Variants in STAG1 observed in about 807,000 individuals in gnomAD.
STAG1 encodes STAG1 cohesin complex component.
STAG1 carries 26 observed loss-of-function variants against 170.9 expected under a neutral mutation model. The observed-to-expected ratio is 0.15, with a 90% CI of 0.11 to 0.21. The LOEUF (loss-of-function observed/expected upper bound fraction) is 0.21. Ranked by LOEUF, STAG1 falls within the 10% of genes least tolerant of loss-of-function variation. STAG1 has a pLI of 1.00. For synonymous variants in STAG1, 514 were observed against 497.7 expected, an observed-to-expected ratio of 1.03 and a Z score of -0.44; for missense variants, 964 against 1,509.5, an observed-to-expected ratio of 0.64 and a Z score of 5.99.
Position 136,377,844 on chromosome 3 carries a change from T to G in STAG1, c.2278-92A>C, listed in dbSNP as rs1020414553. On this transcript the variant is annotated intron_variant, in intron 22 of 33. Coordinates refer to ENST00000383202, the MANE Select transcript of STAG1 (RefSeq NM_005862.3). The stretch of plus-strand genomic sequence containing the variant: ...AGTAAGTGGAAAATAGCAAAACTGG[T>G]TTATTCTCAAGGAAATTCATATAAC... 8 of 1,042,372 alleles carry G rather than the reference T, an allele frequency of 7.7e-6. No homozygotes were observed. In the African/African-American group the frequency reaches 9.5e-5, roughly 12 times the overall value. The allele number at this position is 1,042,372 out of a possible 1,614,324, so 64.6% of individuals were successfully genotyped here.
At chr3:136,433,533 G>C (rs943432071) in intron 16 of STAG1, 23 bp downstream of exon 16, 2 of 1,557,446 alleles carry the variant, frequency 1.3e-6, no homozygotes, top group Non-Finnish European at 1.8e-6. Flanking sequence ...CCTTTTAGGA[G>C]ATTTCTCACT....
chr3:136,430,152 A>C (rs1392276697), intron 16 of STAG1: 1 of 152,184 alleles, frequency 6.6e-6, no homozygotes, highest in African/African-American at 2.4e-5. Context: ...ATATTGATCC[A>C]AATTCAGTAT....
chr3:136,474,016 T>C (rs1332090915), intron 10 of STAG1, among the ~76,000 whole-genome samples: 6 of 152,190 alleles, frequency 3.9e-5, no homozygotes, highest in Admixed American at 2.6e-4. Context: ...CTGATTTTTA[T>C]ACAAAATGGT....
At chr3:136,562,033 AGTGT>A (rs1316126061) in intron 5 of STAG1, among the ~76,000 whole-genome samples, 2 of 152,140 alleles carry the variant, frequency 1.3e-5, no homozygotes, top group African/African-American at 2.4e-5. Context: ...TTAATATTTC[AGTGT>A]GTATTTCCCC....
intron 23 of STAG1, among the ~76,000 whole-genome samples, chr3:136,372,041 G>A (rs1430863230): frequency 7.2e-5 from 11 of 152,142 alleles, no homozygotes; most frequent in African/African-American, 2.7e-4. Flanking sequence ...TTGAGCAGTG[G>A]TTTGTAGTTC....
intron 4 of STAG1, among the ~76,000 whole-genome samples, chr3:136,582,977 T>C (rs1046633500): frequency 2.0e-5 from 3 of 152,308 alleles, no homozygotes; most frequent in East Asian, 1.9e-4. Flanking sequence ...TCTTTGTGCA[T>C]AGACTAGTGT....
intron 1 of STAG1, among the ~76,000 whole-genome samples, chr3:136,725,610 T>C (rs1933619875): frequency 6.6e-6 from 1 of 152,206 alleles, no homozygotes; most frequent in African/African-American, 2.4e-5. Context: ...TGAAGCTGTA[T>C]TATGTTTTGT....
chr3:136,729,709 A>G (rs1312197265), intron 1 of STAG1, among the ~76,000 whole-genome samples: 21 of 149,552 alleles, frequency 1.4e-4, no homozygotes, highest in Admixed American at 1.4e-3. Flanking sequence ...AGTAGCTGGG[A>G]TTACAGGCAT....
intron 1 of STAG1, among the ~76,000 whole-genome samples, chr3:136,709,478 T>C (rs1349709390): frequency 6.6e-6 from 1 of 152,060 alleles, no homozygotes; most frequent in African/African-American, 2.4e-5. Flanking sequence ...CTCACTCCTA[T>C]AATCACAGCA....
At chr3:136,530,153 T>C (rs1935299340) in intron 6 of STAG1, among the ~76,000 whole-genome samples, 1 of 152,146 alleles carries the variant, frequency 6.6e-6, no homozygotes, top group Non-Finnish European at 1.5e-5. Flanking sequence ...CATTATATAA[T>C]GATAAAGAGA....
intron 21 of STAG1, among the ~76,000 whole-genome samples, chr3:136,407,576 C>T (rs1354664667): frequency 6.6e-6 from 1 of 151,998 alleles, no homozygotes; most frequent in Non-Finnish European, 1.5e-5. Flanking sequence ...ATTCTCATGC[C>T]TCAGCCTCTC....
At chr3:136,497,914 C>T (rs1239116420) in intron 9 of STAG1, among the ~76,000 whole-genome samples, 1 of 147,960 alleles carries the variant, frequency 6.8e-6, no homozygotes, top group Non-Finnish European at 1.5e-5. Context: ...ACAGCTAGGC[C>T]GGGCCTGGTG....
At chr3:136,728,722 A>G (rs1214280446) in intron 1 of STAG1, among the ~76,000 whole-genome samples, 3 of 152,204 alleles carry the variant, frequency 2.0e-5, no homozygotes, top group African/African-American at 7.2e-5. Flanking sequence ...TAGCACAAAC[A>G]AAAAAATTTC....
intron 1 of STAG1, among the ~76,000 whole-genome samples, chr3:136,700,280 TAAGA>T (rs1224717522): frequency 6.6e-6 from 1 of 150,522 alleles, no homozygotes; most frequent in African/African-American, 2.5e-5. Flanking sequence ...AATAAAGAAC[TAAGA>T]AAGACTTGAA....
chr3:136,497,297 C>T (rs1283441008), intron 9 of STAG1, among the ~76,000 whole-genome samples: 13 of 152,014 alleles, frequency 8.6e-5, no homozygotes, highest in Admixed American at 8.5e-4. Context: ...AAAGTTAGAG[C>T]TATTTATCCC....
chr3:136,398,407 C>A lies in STAG1; in HGVS notation c.2277+342G>T, dbSNP rs746136387. 2.6e-5 allele frequency among the ~76,000 whole-genome samples: 4 copies of A among 152,114 alleles called. No homozygotes were observed. The East Asian group carries it at 7.7e-4, about 29-fold the overall frequency. On this transcript the variant is annotated intron_variant, in intron 22 of 33. Transcript: ENST00000383202. Reference sequence around the variant, plus strand: ...TGCTGGGATTATAGGCGTAAGCCACCGTGCACGGCCTCAATGTTATTCTTT... The same window carrying A: ...TGCTGGGATTATAGGCGTAAGCCACAGTGCACGGCCTCAATGTTATTCTTT...
intron 9 of STAG1, among the ~76,000 whole-genome samples, chr3:136,481,088 T>C (rs1447243235): frequency 3.0e-5 from 1 of 33,804 alleles, no homozygotes; most frequent in African/African-American, 1.1e-4. Context: ...TCCTGCCTGA[T>C]TGCCCTGGCC....
chr3:136,519,517 T>C (rs1934557981), intron 7 of STAG1, among the ~76,000 whole-genome samples: 1 of 152,076 alleles, frequency 6.6e-6, no homozygotes, highest in Non-Finnish European at 1.5e-5. Context: ...TACAAGCAAT[T>C]TCTACTTTAT....
chr3:136,639,956 C>T (rs567197982), intron 1 of STAG1, among the ~76,000 whole-genome samples: 95 of 152,186 alleles, frequency 6.2e-4, no homozygotes, highest in African/African-American at 2.2e-3. Flanking sequence ...AAATTTCTCC[C>T]ACAATTTATA....
Sources: allele counts gnomAD v4.1 joint callset (sites outside exome capture counted in the v4.1 genomes callset), GRCh38; gene constraint gnomAD v4.1.1; transcripts MANE v1.5; gene names NCBI Gene and HGNC (gene_info 2026-07-23, HGNC 2026-07-21).